The following DEK variants were observed in gnomAD, a reference collection of about 807,000 sequenced individuals.
The protein encoded by DEK is protein DEK.
A neutral mutation model predicts 46.8 loss-of-function variants in DEK; 28 were observed. That is an observed-to-expected ratio of 0.60 (90% CI 0.44 to 0.82). The LOEUF (loss-of-function observed/expected upper bound fraction) is 0.82, where lower values mean the gene tolerates loss of function less well. DEK is among the 40% of genes least tolerant of loss of function. The pLI is 0.00. For missense variants in DEK, 416 were observed against 430.6 expected (o/e 0.97, Z 0.30); for synonymous variants, 160 against 144.5 (o/e 1.11, Z -0.77).
rs747405605 is a variant in DEK, at chr6:18,226,222, A to G, written c.1068T>C (p.Thr356=). 1 of 1,350,552 alleles carries G rather than the reference A, an allele frequency of 7.4e-7. No individual in the cohort carries two copies. Among genetic ancestry groups the G allele is most frequent in the South Asian group, 1.5e-5 (1 of 68,914 alleles). The allele number at this position is 1,350,552 out of a possible 1,614,324, so 83.7% of individuals were successfully genotyped here. The change falls in exon 10 of 11, where the codon ACT becomes ACC. Residue 356 remains threonine, a synonymous_variant. Coordinates refer to ENST00000652689, the MANE Select transcript of DEK (RefSeq NM_003472.4). ...ICKKVYENYP[T]YDLTERKDFI... Reference sequence around the variant, plus strand: ...AATCTTTTCTTTCAGTTAAATCATAAGTAGGATAATTTTCATAGACCTATG... The same window carrying G: ...AATCTTTTCTTTCAGTTAAATCATAGGTAGGATAATTTTCATAGACCTATG...
At position 18,242,188 on chromosome 6, in the gene DEK, T is replaced by C. The variant is rs191873167; in HGVS notation, c.763-4672A>G. On this transcript the variant is annotated intron_variant, in intron 7 of 10. Transcript: ENST00000652689. Reference sequence around the variant, plus strand: ...GGAGTTCGAGACCAGCCTGGCAACATCGTGAAACCCCGTCTCTACAAAAAA... The same window carrying C: ...GGAGTTCGAGACCAGCCTGGCAACACCGTGAAACCCCGTCTCTACAAAAAA... Among the ~76,000 whole-genome samples, 47 of 152,186 alleles carry C rather than the reference T, an allele frequency of 3.1e-4. 1 individual carries two copies. The highest frequency in any genetic ancestry group is 9.1e-4 in the African/African-American group (38 of 41,536).
At position 18,264,479 on chromosome 6, in the gene DEK, G is replaced by A. The variant is rs1188434149; in HGVS notation, c.-104C>T. 2.2e-5 allele frequency: 6 copies of A among 276,388 alleles called. No homozygotes were observed. The highest frequency in any genetic ancestry group is 6.5e-5 in the South Asian group (2 of 30,924). 17.1% of individuals were successfully genotyped at this position (276,388 alleles called of 1,614,324 possible). Reference sequence around the variant, plus strand: ...ACGCCGAGGAGAAGGCGCGCGGGCCGCTGTCTGGCGTGACGCTCGCGCCGC... The same window carrying A: ...ACGCCGAGGAGAAGGCGCGCGGGCCACTGTCTGGCGTGACGCTCGCGCCGC... On this transcript the variant is annotated 5_prime_UTR_variant, in exon 1 of 11. Coordinates refer to ENST00000652689, the MANE Select transcript of DEK (RefSeq NM_003472.4).
At chr6:18,260,980 GTC>G in intron 2 of DEK, among the ~76,000 whole-genome samples, 1 of 129,942 alleles carries the variant, frequency 7.7e-6, no homozygotes, top group East Asian at 2.3e-4. Context: ...GTGAGACCTT[GTC>G]TCCAAAAAAA....
chr6:18,257,807 C>G (rs1444010129), intron 4 of DEK, 146 bp downstream of exon 4: 4 of 453,500 alleles, frequency 8.8e-6, no homozygotes, highest in Non-Finnish European at 1.5e-5. Context: ...GCTGTGTTTC[C>G]TGTGATAAAT....
intron 7 of DEK, among the ~76,000 whole-genome samples, chr6:18,245,353 TG>T (rs112699452): frequency 9.7e-4 from 148 of 152,346 alleles, no homozygotes; most frequent in African/African-American, 3.4e-3. Flanking sequence ...GGCCCTAGAA[TG>T]TCCCTGTCTG....
chr6:18,247,200 A>G (rs773568509), intron 7 of DEK, among the ~76,000 whole-genome samples: 25 of 152,318 alleles, frequency 1.6e-4, no homozygotes, highest in Admixed American at 5.2e-4. Context: ...ACAGAAACTG[A>G]ATCAGCAATA....
At chr6:18,231,556 T>C (rs1056864843) in intron 9 of DEK, among the ~76,000 whole-genome samples, 1 of 152,052 alleles carries the variant, frequency 6.6e-6, no homozygotes, top group Non-Finnish European at 1.5e-5. Context: ...CCCACAGAAA[T>C]ACAAACTACC....
intron 2 of DEK, among the ~76,000 whole-genome samples, chr6:18,261,847 C>G (rs1389461678): frequency 1.3e-5 from 2 of 152,168 alleles, no homozygotes; most frequent in South Asian, 4.1e-4. Flanking sequence ...CTTTGGGGGA[C>G]TACTGCGAAG....
Position 18,226,200 on chromosome 6 carries a change from C to T in DEK, c.1090G>A (p.Asp364Asn), listed in dbSNP as rs1444845310. Reference protein sequence around the residue: ...YPTYDLTERKDFIKTTVKELI... With the variant: ...YPTYDLTERKNFIKTTVKELI... ...TCTTTTACAGTTGTTTTTATGAAAT[C>T]TTTTCTTTCAGTTAAATCATAAGTA... Residue 364 changes from aspartate (D) to asparagine (N), a missense_variant, in exon 10 of 11, where the codon GAT becomes AAT. Physicochemically the swap from Asp to Asn is conservative, Grantham distance 23. Transcript: ENST00000652689. The T allele has an allele frequency of 1.5e-6, 2 of 1,338,360 alleles. No homozygotes were observed. The highest frequency in any genetic ancestry group is 2.0e-6 in the Non-Finnish European group (2 of 1,004,682). The allele number at this position is 1,338,360 out of a possible 1,614,324, so 82.9% of individuals were successfully genotyped here. A position where few individuals can be genotyped will look rare whatever the true frequency, so the allele number is the denominator to read the frequency against.
intron 7 of DEK, among the ~76,000 whole-genome samples, chr6:18,245,235 G>C (rs967060615): frequency 6.6e-6 from 1 of 152,170 alleles, no homozygotes; most frequent in Non-Finnish European, 1.5e-5. Flanking sequence ...ATGTCTAAAG[G>C]TAAAACAACC....
intron 3 of DEK, 106 bp from the exon 4 acceptor site, chr6:18,258,168 G>A: frequency 9.2e-7 from 1 of 1,081,910 alleles, no homozygotes; most frequent in Non-Finnish European, 1.3e-6. Context: ...ATGTAACTCT[G>A]CTCTTACAGA....
chr6:18,250,414 AGCCGAGATC>A (rs778584780), intron 6 of DEK, among the ~76,000 whole-genome samples: 2 of 152,200 alleles, frequency 1.3e-5, no homozygotes, highest in South Asian at 4.2e-4. Context: ...GTTTGCAGTG[AGCCGAGATC>A]GCGCCACTGC....
At chr6:18,253,890 A>C (rs757544775) in intron 6 of DEK, among the ~76,000 whole-genome samples, 6 of 151,944 alleles carry the variant, frequency 3.9e-5, no homozygotes, top group African/African-American at 1.4e-4. Context: ...TTTCTTCTTG[A>C]GACAGTCTCA....
intron 9 of DEK, among the ~76,000 whole-genome samples, chr6:18,234,298 A>ATATC (rs2151079883): frequency 6.8e-6 from 1 of 147,840 alleles, no homozygotes; most frequent in African/African-American, 2.6e-5. Flanking sequence ...ATATATATAT[A>ATATC]TATGTAACCT....
chr6:18,224,308 ACTAT>A lies in DEK; in HGVS notation c.*1407_*1410del, dbSNP rs1304314653. The A allele has an allele frequency of 4.9e-5, 9 of 183,488 alleles. No homozygotes were observed. Among genetic ancestry groups the A allele is most frequent in the African/African-American group, 2.1e-4 (9 of 42,536 alleles). The allele number at this position is 183,488 out of a possible 1,614,324, so 11.4% of individuals were successfully genotyped here. The stretch of plus-strand genomic sequence containing the variant: ...TTTACCTTTCCCTAGTGTCTGAGTA[ACTAT>A]CAAGAAACAAACCTGTGAAAATACC... On this transcript the variant is annotated 3_prime_UTR_variant, in exon 11 of 11. Transcript: ENST00000652689.
intron 3 of DEK, 72 bp downstream of exon 3, chr6:18,258,232 A>T (rs1791686910): frequency 7.5e-7 from 1 of 1,334,660 alleles, no homozygotes; most frequent in Non-Finnish European, 1.1e-6. Context: ...GCTGATACTA[A>T]GCTACAAACC....
At chr6:18,254,507 AAC>A (rs552142136) in intron 6 of DEK, among the ~76,000 whole-genome samples, 9 of 152,238 alleles carry the variant, frequency 5.9e-5, no homozygotes, top group Non-Finnish European at 1.0e-4. Flanking sequence ...TATTATTTTT[AAC>A]ATTTTAAAAT....
chr6:18,241,758 T>C (rs1790902208), intron 7 of DEK, among the ~76,000 whole-genome samples: 1 of 152,264 alleles, frequency 6.6e-6, no homozygotes, highest in South Asian at 2.1e-4. Context: ...ATATTCATTT[T>C]TTTAAACAAT....
At position 18,225,217 on chromosome 6, in the gene DEK, G is replaced by C. The variant is rs1302502126; in HGVS notation, c.*502C>G. 2 of 228,224 alleles carry C rather than the reference G, an allele frequency of 8.8e-6. No individual in the cohort carries two copies. Among genetic ancestry groups the C allele is most frequent in the African/African-American group, 4.4e-5 (2 of 45,086 alleles). The allele number at this position is 228,224 out of a possible 1,614,324, so 14.1% of individuals were successfully genotyped here. A position where few individuals can be genotyped will look rare whatever the true frequency, so the allele number is the denominator to read the frequency against. ...TGCAGGAGAAAAGTTCCAATTCAGTGATCTGGACAACTGTAGCTTGTATAT... is the reference window on the plus strand; with the variant it reads ...TGCAGGAGAAAAGTTCCAATTCAGTCATCTGGACAACTGTAGCTTGTATAT... On this transcript the variant is annotated 3_prime_UTR_variant, in exon 11 of 11. Transcript: ENST00000652689.
Sources: allele counts gnomAD v4.1 joint callset (sites outside exome capture counted in the v4.1 genomes callset), GRCh38; gene constraint gnomAD v4.1.1; transcripts MANE v1.5; gene names NCBI Gene and HGNC (gene_info 2026-07-23, HGNC 2026-07-21).